Variants in FOXP1 observed in about 807,000 individuals in gnomAD.
FOXP1 encodes forkhead box P1, also known as forkhead box protein P1.
A neutral mutation model predicts 98.2 loss-of-function variants in FOXP1; 15 were observed. The observed-to-expected ratio is 0.15, with a 90% CI of 0.10 to 0.24. The LOEUF (loss-of-function observed/expected upper bound fraction) is 0.24. Among genes scored for constraint, FOXP1 ranks in the 10% least tolerant of loss-of-function variants. The pLI, the probability that FOXP1 is intolerant of heterozygous loss-of-function variation, is 1.00. For missense variants in FOXP1, 633 were observed against 848.5 expected (o/e 0.75, Z 3.15); for synonymous variants, 371 against 314.5 (o/e 1.18, Z -1.90).
At chr3:71,281,425 G>A (rs2071552950) in intron 5 of FOXP1, among the ~76,000 whole-genome samples, 1 of 152,098 alleles carries the variant, frequency 6.6e-6, no homozygotes, top group Non-Finnish European at 1.5e-5. Flanking sequence ...AAACACATCT[G>A]AGTGGTGAGA....
chr3:71,437,860 C>G (rs1268854556), intron 3 of FOXP1, among the ~76,000 whole-genome samples: 1 of 152,150 alleles, frequency 6.6e-6, no homozygotes, highest in African/African-American at 2.4e-5. Flanking sequence ...CAGGGCCCCA[C>G]CCGCACTTGC....
chr3:71,551,806 G>A (rs1444925318), intron 2 of FOXP1, among the ~76,000 whole-genome samples: 1 of 152,066 alleles, frequency 6.6e-6, no homozygotes, highest in Non-Finnish European at 1.5e-5. Flanking sequence ...CTATGATCGG[G>A]CTTCTAGTAT....
chr3:71,309,953 T>A (rs574560772), intron 4 of FOXP1, among the ~76,000 whole-genome samples: 23 of 152,338 alleles, frequency 1.5e-4, no homozygotes, highest in Non-Finnish European at 3.2e-4. Flanking sequence ...CAATTAGAAC[T>A]TTTACTTTTG....
At chr3:71,175,331 G>C (rs1288195175) in intron 6 of FOXP1, among the ~76,000 whole-genome samples, 1 of 152,188 alleles carries the variant, frequency 6.6e-6, no homozygotes, top group Admixed American at 6.5e-5. Context: ...GGCCCATCAA[G>C]TGTGTCTCTT....
intron 1 of FOXP1, chr3:71,582,846 T>A (rs551944761): frequency 2.1e-6 from 2 of 967,682 alleles, no homozygotes; most frequent in East Asian, 2.3e-4. Flanking sequence ...TCCTCGCCGC[T>A]GACTCTCGGG....
chr3:71,541,308 G>C (rs2044791746), intron 2 of FOXP1, among the ~76,000 whole-genome samples: 1 of 152,194 alleles, frequency 6.6e-6, no homozygotes. Flanking sequence ...GAAGAGAAAA[G>C]CATTTTTTAA....
chr3:71,342,282 T>C (rs978076021), intron 4 of FOXP1, among the ~76,000 whole-genome samples: 2 of 152,188 alleles, frequency 1.3e-5, no homozygotes, highest in Admixed American at 6.5e-5. Flanking sequence ...CTGAGAGACC[T>C]GAAAACTCAA....
intron 7 of FOXP1, among the ~76,000 whole-genome samples, chr3:71,070,975 G>A (rs946603253): frequency 1.2e-4 from 18 of 152,144 alleles, no homozygotes; most frequent in African/African-American, 4.1e-4. Context: ...ACAGGGCTGT[G>A]GAATCCCCTC....
intron 2 of FOXP1, among the ~76,000 whole-genome samples, chr3:71,528,426 T>A (rs2043568291): frequency 6.6e-6 from 1 of 152,216 alleles, no homozygotes; most frequent in Non-Finnish European, 1.5e-5. Context: ...TCAAGAGACT[T>A]GATTGACTTC....
chr3:71,543,099 T>C (rs2045010847), intron 2 of FOXP1, among the ~76,000 whole-genome samples: 1 of 152,174 alleles, frequency 6.6e-6, no homozygotes, highest in South Asian at 2.1e-4. Flanking sequence ...CCACAGCTTG[T>C]AGTGTCTGCC....
intron 5 of FOXP1, among the ~76,000 whole-genome samples, chr3:71,242,615 A>G (rs1021582367): frequency 3.3e-5 from 5 of 152,214 alleles, no homozygotes; most frequent in African/African-American, 9.6e-5. Context: ...AGATTTGTCA[A>G]TAATCTGGAG....
At chr3:71,194,014 G>A (rs2063156660) in intron 6 of FOXP1, among the ~76,000 whole-genome samples, 1 of 151,718 alleles carries the variant, frequency 6.6e-6, no homozygotes, top group Non-Finnish European at 1.5e-5. Context: ...CTGTCTTCTG[G>A]GCCACAAGAC....
intron 3 of FOXP1, among the ~76,000 whole-genome samples, chr3:71,447,523 T>C (rs979768388): frequency 7.9e-5 from 12 of 152,176 alleles, no homozygotes; most frequent in Admixed American, 1.3e-4. Flanking sequence ...TCCCATTCCA[T>C]TGTACTTTTC....
At chr3:71,337,920 C>A (rs2568831) in intron 4 of FOXP1, among the ~76,000 whole-genome samples, 140,611 of 152,230 alleles carry the variant, frequency 0.92, 65,975 homozygotes, top group East Asian at 1. Context: ...AAGATATGTA[C>A]CTCCGTTATA....
At chr3:71,053,537 G>C (rs941009919) in intron 8 of FOXP1, 99 bp downstream of exon 8, 1 of 1,472,824 alleles carries the variant, frequency 6.8e-7, no homozygotes, top group Non-Finnish European at 9.5e-7. Context: ...TCTTCACTGA[G>C]CAAAGGAGCT....
At chr3:71,179,609 G>C (rs1309501376) in intron 6 of FOXP1, among the ~76,000 whole-genome samples, 1 of 152,130 alleles carries the variant, frequency 6.6e-6, no homozygotes, top group Non-Finnish European at 1.5e-5. Flanking sequence ...CCATGTAAGA[G>C]AATTAACCCT....
Position 71,278,209 on chromosome 3 carries a change from G to A in FOXP1, c.-12+21611C>T, listed in dbSNP as rs552788462. Among the ~76,000 whole-genome samples, 9 of 152,306 alleles carry A rather than the reference G, an allele frequency of 5.9e-5. No individual in the cohort carries two copies. The South Asian group carries it at 1.9e-3, about 32-fold the overall frequency. On this transcript the variant is annotated intron_variant, in intron 5 of 20. Transcript: ENST00000649528. ...GGCATTAAGCAGGGCCTGACACACAGCAAACGTTCAATAATTAGCTACTGT... is the reference window on the plus strand; with the variant it reads ...GGCATTAAGCAGGGCCTGACACACAACAAACGTTCAATAATTAGCTACTGT...
intron 2 of FOXP1, among the ~76,000 whole-genome samples, chr3:71,573,063 T>C (rs2047457462): frequency 6.6e-6 from 1 of 152,176 alleles, no homozygotes; most frequent in Non-Finnish European, 1.5e-5. Flanking sequence ...TTTCAAAAGT[T>C]CTTAGGATTA....
At chr3:71,280,126 CAAAAAAAAAA>C (rs56674677) in intron 5 of FOXP1, among the ~76,000 whole-genome samples, 94 of 106,192 alleles carry the variant, frequency 8.9e-4, no homozygotes, top group African/African-American at 1.9e-3. Context: ...CTGTCTCAAA[CAAAAAAAAAA>C]AAAAAAAAAA....
Sources: gnomAD v4.1 joint callset for allele counts (sites outside exome capture counted in the v4.1 genomes callset) on GRCh38, gnomAD v4.1.1 for gene constraint, MANE v1.5 for transcripts, NCBI Gene and HGNC (gene_info 2026-07-23, HGNC 2026-07-21) for gene names.